The following PTPRB variants were observed in gnomAD, a reference collection of about 807,000 sequenced individuals.
PTPRB encodes the protein protein tyrosine phosphatase receptor type B.
A neutral mutation model predicts 238.1 loss-of-function variants in PTPRB; 97 were observed. That is an observed-to-expected ratio of 0.41 (90% CI 0.35 to 0.48). The LOEUF is 0.48. Ranked by LOEUF, PTPRB falls within the 20% of genes least tolerant of loss-of-function variation. The pLI is 0.30. For missense variants in PTPRB, 2,292 were observed against 2,681.9 expected, an observed-to-expected ratio of 0.85 and a Z score of 3.21; for synonymous variants, 970 against 995.4, an observed-to-expected ratio of 0.97 and a Z score of 0.48.
intron 18 of PTPRB, among the ~76,000 whole-genome samples, chr12:70,557,055 A>G (rs1361205895): frequency 6.6e-6 from 1 of 152,232 alleles, no homozygotes; most frequent in Non-Finnish European, 1.5e-5. Context: ...GTGGTGTGAC[A>G]CACAACTTTT....
chr12:70,577,744 A>C (rs1006288851), intron 10 of PTPRB, among the ~76,000 whole-genome samples: 4 of 152,212 alleles, frequency 2.6e-5, no homozygotes, highest in Non-Finnish European at 5.9e-5. Context: ...CTTATACTTA[A>C]AAGCACTTAT....
chr12:70,576,667 G>A lies in PTPRB; in HGVS notation c.2579-22C>T, dbSNP rs1391188106. ...GGGACTGTGATTTTGAAAGGTGGGG[G>A]GCGGGGGGGGGGGGGAAGGGGGATT... On this transcript the variant is annotated intron_variant, in intron 10 of 33. Coordinates refer to ENST00000334414, the MANE Select transcript of PTPRB (RefSeq NM_001109754.4). The A allele has an allele frequency of 1.1e-5, 3 of 281,206 alleles. No individual in the cohort carries two copies. In the East Asian group the frequency reaches 3.8e-4, roughly 36 times the overall value. 17.4% of individuals were successfully genotyped at this position (281,206 alleles called of 1,614,324 possible).
At chr12:70,586,444 G>A (rs188437072) in intron 9 of PTPRB, among the ~76,000 whole-genome samples, 2 of 152,238 alleles carry the variant, frequency 1.3e-5, no homozygotes, top group East Asian at 3.9e-4. Flanking sequence ...CCAGTCTTGG[G>A]TAGGATCTTT....
chr12:70,566,965 G>A (rs988622263), intron 14 of PTPRB, among the ~76,000 whole-genome samples: 4 of 152,112 alleles, frequency 2.6e-5, no homozygotes, highest in Non-Finnish European at 5.9e-5. Flanking sequence ...TAGTGAAAAT[G>A]GCCCTGATAA....
chr12:70,541,234 C>CTT (rs1283660071), intron 22 of PTPRB: 2 of 266,744 alleles, frequency 7.5e-6, no homozygotes, highest in Admixed American at 1.0e-4. Context: ...GGACTTTGCA[C>CTT]TTGTATATAA....
At chr12:70,629,130 C>A (rs1253901032) in intron 2 of PTPRB, among the ~76,000 whole-genome samples, 4 of 152,000 alleles carry the variant, frequency 2.6e-5, no homozygotes. Flanking sequence ...CTCTTGTGTG[C>A]CCCCAAAAGA....
chr12:70,533,782 T>C (rs375113185), intron 31 of PTPRB, among the ~76,000 whole-genome samples: 61 of 152,280 alleles, frequency 4.0e-4, no homozygotes, highest in African/African-American at 1.4e-3. Flanking sequence ...CCTCCCTCTA[T>C]GTGAGGACAC....
chr12:70,577,652 G>A (rs1880932243), intron 10 of PTPRB, among the ~76,000 whole-genome samples: 1 of 152,094 alleles, frequency 6.6e-6, no homozygotes, highest in Non-Finnish European at 1.5e-5. Flanking sequence ...CACTTATAAT[G>A]GACAGGATTT....
chr12:70,559,941 T>C (rs543765698), intron 17 of PTPRB, among the ~76,000 whole-genome samples: 1 of 151,646 alleles, frequency 6.6e-6, no homozygotes, highest in South Asian at 2.1e-4. Context: ...GTAGCTGGGA[T>C]TACAGGCACC....
Position 70,521,490 on chromosome 12 carries a change from C to T in PTPRB, c.6647G>A (p.Ter2216=), listed in dbSNP as rs761266073. 1.3e-6 allele frequency: 2 copies of T among 1,543,470 alleles called. No homozygotes were observed. The change falls in exon 34 of 34, where the codon TGA becomes TAA. Residue 2216 remains the stop codon, a stop_retained_variant. Coordinates refer to ENST00000334414, the MANE Select transcript of PTPRB (RefSeq NM_001109754.4). Reference sequence around the variant, plus strand: ...TCCAGGAGCTCTTCAGGTACATTCTCAATGCCTTGAATAGACTGGATCTGA... The same window carrying T: ...TCCAGGAGCTCTTCAGGTACATTCTTAATGCCTTGAATAGACTGGATCTGA... ...YHRDPVYSRH[*]
chr12:70,637,155 C>A (rs962196001), intron 1 of PTPRB, among the ~76,000 whole-genome samples, 186 bp downstream of exon 1: 11 of 152,136 alleles, frequency 7.2e-5, no homozygotes, highest in African/African-American at 2.7e-4. Context: ...CATTTATTTT[C>A]TTTTGGAGAG....
chr12:70,593,513 CAA>C (rs71437149), intron 6 of PTPRB, among the ~76,000 whole-genome samples: 2,515 of 36,370 alleles, frequency 0.069, 8 homozygotes, highest in Non-Finnish European at 0.074. Flanking sequence ...AACTCTGTCT[CAA>C]AAAAAAAAAA....
chr12:70,623,862 T>C (rs1257909692), intron 2 of PTPRB, among the ~76,000 whole-genome samples: 2 of 152,198 alleles, frequency 1.3e-5, no homozygotes, highest in Non-Finnish European at 2.9e-5. Context: ...AGCCCTCTTT[T>C]GAGTCTCACT....
At position 70,538,198 on chromosome 12, in the gene PTPRB, T is replaced by G; in HGVS notation, c.5903A>C (p.Asp1968Ala). The G allele has an allele frequency of 6.2e-7, 1 of 1,613,824 alleles. No homozygotes were observed. The highest frequency in any genetic ancestry group is 8.5e-7 in the Non-Finnish European group (1 of 1,179,810). The change falls in exon 28 of 34, where the codon GAT (aspartate) becomes GCT (alanine). Residue 1968 changes from aspartate (D) to alanine (A), a missense_variant. This residue lies in a region of PTPRB where 397 missense variants were observed against 502.0 expected (regional missense o/e 0.79). Transcript: ENST00000334414. Reference protein sequence around the residue: ...DATRVKLSNVDDDPCSDYINA... With the variant: ...DATRVKLSNVADDPCSDYINA... ...GATGTAGTCAGAGCAAGGATCATCA[T>G]CTACATTGGAGAGCTTCACTCGCGT...
In PTPRB at chr12:70,592,304, C is replaced by G; in HGVS notation, c.1758G>C (p.Gln586His). The change falls in exon 7 of 34, where the codon CAG (glutamine) becomes CAC (histidine). Residue 586 changes from glutamine to histidine, a missense_variant. Gln to His is a conservative substitution (Grantham distance 24, BLOSUM62 0). Transcript: ENST00000334414. ...CACATGTTCTGCCCACTGCCATCTT[C>G]TGAGCAGACAGTTCACCAGAGACAC... is the stretch of plus-strand genomic sequence containing the variant. ...VSCVSGELSA[Q>H]KMAVGRTFPD... The G allele has an allele frequency of 6.2e-7, 1 of 1,614,042 alleles. No individual in the cohort carries two copies. The highest frequency in any genetic ancestry group is 8.5e-7 in the Non-Finnish European group (1 of 1,179,896).
In PTPRB at chr12:70,559,451, T is replaced by G; in HGVS notation, c.4606A>C (p.Ile1536Leu). The G allele has an allele frequency of 6.2e-7, 1 of 1,613,988 alleles. No individual in the cohort carries two copies. Residue 1536 changes from isoleucine (I) to leucine (L), a missense_variant, in exon 18 of 34, where the codon ATT becomes CTT. This residue lies in a region of PTPRB where 683 missense variants were observed against 862.0 expected (regional missense o/e 0.79). Coordinates refer to ENST00000334414, the MANE Select transcript of PTPRB (RefSeq NM_001109754.4). ...PYNNRKSEGR[I>L]VYGLRPGRSY... is the part of the protein sequence containing the mutation. ...CTCCCTGGACGAAGACCATACACAATGCGTCCTTCTGATTTTCTGTTGTTG... is the reference window on the plus strand; with the variant it reads ...CTCCCTGGACGAAGACCATACACAAGGCGTCCTTCTGATTTTCTGTTGTTG...
At chr12:70,581,350 A>G (rs1373718064) in intron 9 of PTPRB, 48 bp from the exon 10 acceptor site, 1 of 1,519,054 alleles carries the variant, frequency 6.6e-7, no homozygotes, top group Non-Finnish European at 8.8e-7. Flanking sequence ...AGTCACCTTA[A>G]GAAAGTGTAA....
chr12:70,539,915 T>C, intron 24 of PTPRB, 24 bp downstream of exon 24: 1 of 1,590,868 alleles, frequency 6.3e-7, no homozygotes, highest in African/African-American at 1.3e-5. Context: ...CAACAAATTA[T>C]ACGAAGGCAA....
intron 4 of PTPRB, among the ~76,000 whole-genome samples, chr12:70,599,978 T>G (rs1883341564): frequency 1.5e-5 from 1 of 66,004 alleles, no homozygotes; most frequent in South Asian, 6.9e-4. Flanking sequence ...AAGACCCTGT[T>G]TTTTTTTTTT....
Sources: allele counts gnomAD v4.1 joint callset (sites outside exome capture counted in the v4.1 genomes callset), GRCh38; gene constraint gnomAD v4.1.1; regional missense constraint gnomAD v4.1.1; transcripts MANE v1.5; gene names NCBI Gene and HGNC (gene_info 2026-07-23, HGNC 2026-07-21).